ATRN: variants seen among roughly 807,000 people sequenced by gnomAD.
ATRN encodes attractin-2.
A neutral mutation model predicts 178.7 loss-of-function variants in ATRN; 54 were observed. The ratio of observed to expected loss-of-function variants is 0.30; its 90% CI spans 0.24 to 0.38. The LOEUF is 0.38. ATRN is among the 10% of genes least tolerant of loss of function. The pLI, the probability that ATRN is intolerant of heterozygous loss-of-function variation, is 1.00. For missense variants in ATRN, 1,443 were observed against 1,815.1 expected (o/e 0.79, Z 3.73); for synonymous variants, 636 against 663.0 (o/e 0.96, Z 0.63).
intron 1 of ATRN, among the ~76,000 whole-genome samples, chr20:3,488,401 G>T (rs1409576431): frequency 6.6e-6 from 1 of 151,530 alleles, no homozygotes; most frequent in Non-Finnish European, 1.5e-5. Context: ...ACATTTATTT[G>T]CTTTATGCAT....
At chr20:3,471,911 C>T (rs2084433378) in intron 1 of ATRN, among the ~76,000 whole-genome samples, 1 of 152,192 alleles carries the variant, frequency 6.6e-6, no homozygotes, top group Non-Finnish European at 1.5e-5. Context: ...TCCACATGTG[C>T]CCTAGGACCC....
intron 6 of ATRN, among the ~76,000 whole-genome samples, chr20:3,553,329 T>C (rs1325303087): frequency 6.6e-6 from 1 of 152,212 alleles, no homozygotes; most frequent in Non-Finnish European, 1.5e-5. Context: ...TATGTTCTTC[T>C]CTTCGTACCA....
intron 27 of ATRN, among the ~76,000 whole-genome samples, chr20:3,641,628 C>G (rs2146326898): frequency 7.4e-6 from 1 of 134,474 alleles, no homozygotes; most frequent in Admixed American, 7.4e-5. Flanking sequence ...GAAAAGATCA[C>G]CTGCAAAGGA....
intron 24 of ATRN, among the ~76,000 whole-genome samples, chr20:3,609,379 AT>A (rs1322616475): frequency 6.6e-6 from 1 of 151,970 alleles, no homozygotes; most frequent in Admixed American, 6.6e-5. Context: ...TTGTGTGTTG[AT>A]TTTGTATCCT....
At chr20:3,529,889 C>T (rs1275484220) in intron 1 of ATRN, among the ~76,000 whole-genome samples, 1 of 152,034 alleles carries the variant, frequency 6.6e-6, no homozygotes, top group Non-Finnish European at 1.5e-5. Context: ...TATATTGTGG[C>T]AGTAAAATAC....
At chr20:3,571,831 A>G (rs2086129860) in intron 11 of ATRN, among the ~76,000 whole-genome samples, 1 of 151,984 alleles carries the variant, frequency 6.6e-6, no homozygotes, top group Admixed American at 6.6e-5. Context: ...TTTTTAATTC[A>G]TATGACCAGA....
At chr20:3,512,567 T>TA (rs1443564464) in intron 1 of ATRN, among the ~76,000 whole-genome samples, 2 of 152,178 alleles carry the variant, frequency 1.3e-5, no homozygotes, top group Non-Finnish European at 2.9e-5. Flanking sequence ...TCAATAAACA[T>TA]ACGTGTGCAT....
At chr20:3,579,413 G>A (rs2086253799) in intron 15 of ATRN, among the ~76,000 whole-genome samples, 1 of 152,182 alleles carries the variant, frequency 6.6e-6, no homozygotes, top group Non-Finnish European at 1.5e-5. Context: ...TTGAACCCAG[G>A]AGGTGGAGGT....
At chr20:3,549,036 G>A in intron 5 of ATRN, 134 bp from the exon 6 acceptor site, 1 of 741,390 alleles carries the variant, frequency 1.3e-6, no homozygotes. Flanking sequence ...ACAAATTAAA[G>A]GATTTGTCTG....
intron 1 of ATRN, among the ~76,000 whole-genome samples, chr20:3,523,799 T>C (rs1385561539): frequency 6.6e-6 from 1 of 152,150 alleles, no homozygotes; most frequent in African/African-American, 2.4e-5. Flanking sequence ...AACCCAGAAT[T>C]TCATATCCAG....
chr20:3,640,272 A>G (rs2087057702), intron 27 of ATRN, among the ~76,000 whole-genome samples: 1 of 152,210 alleles, frequency 6.6e-6, no homozygotes, highest in Non-Finnish European at 1.5e-5. Flanking sequence ...ACATAAGAGA[A>G]TTTACGAAGT....
intron 1 of ATRN, chr20:3,490,131 T>C (rs1340845717): frequency 1.5e-5 from 22 of 1,483,094 alleles, no homozygotes; most frequent in South Asian, 2.3e-5. Context: ...CAAAGAGTTA[T>C]CAAGTGACTC....
At chr20:3,518,683 A>G (rs2085239910) in intron 1 of ATRN, among the ~76,000 whole-genome samples, 2 of 152,334 alleles carry the variant, frequency 1.3e-5, no homozygotes, top group Admixed American at 6.5e-5. Flanking sequence ...ATTATCCCCC[A>G]TAATGAATCC....
chr20:3,589,516 C>G (rs2086409042), intron 18 of ATRN, among the ~76,000 whole-genome samples: 1 of 151,174 alleles, frequency 6.6e-6, no homozygotes, highest in South Asian at 2.1e-4. Context: ...TCGTATTTTT[C>G]ATTCTCTCAT....
intron 6 of ATRN, among the ~76,000 whole-genome samples, chr20:3,554,099 C>A (rs575736311): frequency 6.6e-6 from 1 of 151,874 alleles, no homozygotes; most frequent in African/African-American, 2.4e-5. Flanking sequence ...TTAATATCAC[C>A]TATTACTTTT....
At chr20:3,507,955 G>A (rs536370811) in intron 1 of ATRN, among the ~76,000 whole-genome samples, 2 of 151,902 alleles carry the variant, frequency 1.3e-5, no homozygotes, top group South Asian at 2.1e-4. Context: ...CACCCGTCTC[G>A]GCCTCCCAAA....
intron 11 of ATRN, among the ~76,000 whole-genome samples, chr20:3,568,519 A>AT (rs35023608): frequency 0.8 from 120,628 of 151,336 alleles, 48,418 homozygotes; most frequent in East Asian, 1. Context: ...ACTCAAAAAA[A>AT]ATATATTTCA....
intron 26 of ATRN, among the ~76,000 whole-genome samples, chr20:3,637,951 A>G (rs1777657881): frequency 6.6e-6 from 1 of 152,180 alleles, no homozygotes; most frequent in African/African-American, 2.4e-5. Context: ...CTGCCGTATA[A>G]TGAGGCATAG....
In ATRN at chr20:3,641,339, C is replaced by T. The variant is rs151119686; in HGVS notation, c.4050+2404C>T. ...GGTGTGGTGGCTAACACCTGTAATCCGAGCACTTTGGGAGGCCGAGGCGGG... is the reference window on the plus strand; with the variant it reads ...GGTGTGGTGGCTAACACCTGTAATCTGAGCACTTTGGGAGGCCGAGGCGGG... On this transcript the variant is annotated intron_variant, in intron 27 of 28. Coordinates refer to ENST00000262919, the MANE Select transcript of ATRN (RefSeq NM_139321.3). 5.9e-5 allele frequency among the ~76,000 whole-genome samples: 9 copies of T among 151,986 alleles called. No individual in the cohort carries two copies. In the East Asian group the frequency reaches 1.2e-3, roughly 20 times the overall value.
Sources: allele counts gnomAD v4.1 joint callset (sites outside exome capture counted in the v4.1 genomes callset), GRCh38; gene constraint gnomAD v4.1.1; transcripts MANE v1.5; gene names NCBI Gene and HGNC (gene_info 2026-07-23, HGNC 2026-07-21).